Variants in DDIT3 observed in about 807,000 individuals in gnomAD.
The protein encoded by DDIT3 is DNA damage-inducible transcript 3 protein.
In DDIT3, 14 loss-of-function variants were observed where a neutral mutation model predicts 17.6. That is an observed-to-expected ratio of 0.80 (90% confidence interval 0.53 to 1.25). The LOEUF is 1.25. Among genes scored for constraint, DDIT3 ranks in the 50% most tolerant of loss-of-function variants. DDIT3 has a pLI of 0.00. For synonymous variants in DDIT3, 93 were observed against 76.5 expected, an observed-to-expected ratio of 1.22 and a Z score of -1.13; for missense variants, 216 against 202.7, an observed-to-expected ratio of 1.07 and a Z score of -0.40.
chr12:57,516,986 G>A lies in DDIT3; in HGVS notation c.333C>T (p.Ser111=). ...TGCGCTGCTTTCCAGCCCGGGCTGG[G>A]GAATGACCACTCTGTTTCCGTTTCC... ...RTRKRKQSGH[S]PARAGKQRMK... The change falls in exon 4 of 4, where the codon TCC becomes TCT. Residue 111 remains serine (S), a synonymous_variant. Transcript: ENST00000346473. 1 of 1,614,092 alleles carries A rather than the reference G, an allele frequency of 6.2e-7. No individual in the cohort carries two copies. Among genetic ancestry groups the A allele is most frequent in the Non-Finnish European group, 8.5e-7 (1 of 1,180,028 alleles).
In DDIT3 at chr12:57,516,694, C is replaced by T; in HGVS notation, c.*115G>A. ...CTTTTGTCTACTCCAAGCCTTCCCC[C>T]TGCGTATGTGGGATTGAGGGTCACA... On this transcript the variant is annotated 3_prime_UTR_variant, in exon 4 of 4. Coordinates refer to ENST00000346473, the MANE Select transcript of DDIT3 (RefSeq NM_004083.6). 1 of 1,529,646 alleles carries T rather than the reference C, an allele frequency of 6.5e-7. No homozygotes were observed. Among genetic ancestry groups the T allele is most frequent in the Non-Finnish European group, 8.8e-7 (1 of 1,140,042 alleles). 94.8% of individuals were successfully genotyped at this position (1,529,646 alleles called of 1,614,324 possible).
rs760584282 is a variant in DDIT3, at chr12:57,516,642, A to G, written c.*167T>C. 3.3e-6 allele frequency: 5 copies of G among 1,526,750 alleles called. No homozygotes were observed. The highest frequency in any genetic ancestry group is 1.4e-5 in the African/African-American group (1 of 71,594). 94.6% of individuals were successfully genotyped at this position (1,526,750 alleles called of 1,614,324 possible). On this transcript the variant is annotated 3_prime_UTR_variant, in exon 4 of 4. Coordinates refer to ENST00000346473, the MANE Select transcript of DDIT3 (RefSeq NM_004083.6). Reference sequence around the variant, plus strand: ...AGGGACAGTAATAAATAAATGTACAATCTCTATATACAAGCTGAGACCTTT... The same window carrying G: ...AGGGACAGTAATAAATAAATGTACAGTCTCTATATACAAGCTGAGACCTTT...
At chr12:57,516,591 G>C, downstream of DDIT3, 1 of 1,562,912 alleles carries the variant, frequency 6.4e-7, no homozygotes, top group Non-Finnish European at 8.6e-7. Flanking sequence ...AAAGACCTTG[G>C]CTCATAGAAA....
intron 1 of DDIT3, 101 bp downstream of exon 1, chr12:57,520,317 T>A: frequency 2.5e-6 from 1 of 397,748 alleles, no homozygotes; most frequent in Non-Finnish European, 4.4e-6. Context: ...TCTCGGACGG[T>A]CCCTAACTTC....
In DDIT3 at chr12:57,516,866, T is replaced by G; in HGVS notation, c.453A>C (p.Glu151Asp). Residue 151 changes from glutamate to aspartate, a missense_variant, in exon 4 of 4, where the codon GAA becomes GAC. Transcript: ENST00000346473. Reference protein sequence around the residue: ...LKQEIERLTREVEATRRALID... With the variant: ...LKQEIERLTRDVEATRRALID... ...TCAGAGCTCGGCGAGTCGCCTCTAC[T>G]TCCCTGGTCAGGCGCTCGATTTCCT... 1 of 1,613,612 alleles carries G rather than the reference T, an allele frequency of 6.2e-7. No individual in the cohort carries two copies. The highest frequency in any genetic ancestry group is 8.5e-7 in the Non-Finnish European group (1 of 1,180,036).
At position 57,517,348 on chromosome 12, in the gene DDIT3, G is replaced by C. The variant is rs976320668; in HGVS notation, c.59C>G (p.Ala20Gly). 2 of 1,613,634 alleles carry C rather than the reference G, an allele frequency of 1.2e-6. No individual in the cohort carries two copies. Among genetic ancestry groups the C allele is most frequent in the African/African-American group, 2.7e-5 (2 of 74,904 alleles). The change falls in exon 3 of 4, where the codon GCC becomes GGC. Residue 20 changes from alanine to glycine, a missense_variant. By Grantham distance (60) the Ala-to-Gly change is moderately conservative (BLOSUM62 0). Coordinates refer to ENST00000346473, the MANE Select transcript of DDIT3 (RefSeq NM_004083.6). ...FGTLSSWELE[A>G]WYEDLQEVLS... ...GACCTCTTGCAGGTCCTCATACCAG[G>C]CTTCCAGCTCCCAGCTGGACAGTGT... is the stretch of plus-strand genomic sequence containing the variant.
intron 1 of DDIT3, among the ~76,000 whole-genome samples, chr12:57,518,831 G>T (rs776826044): frequency 6.6e-6 from 1 of 151,976 alleles, no homozygotes; most frequent in Non-Finnish European, 1.5e-5. Flanking sequence ...GCTAATTTTT[G>T]TATTTTTAGT....
At chr12:57,519,667 C>T (rs1010383689) in intron 1 of DDIT3, among the ~76,000 whole-genome samples, 1 of 152,246 alleles carries the variant, frequency 6.6e-6, no homozygotes, top group Non-Finnish European at 1.5e-5. Flanking sequence ...CAGAAGGCTG[C>T]AGAGCCAAAC....
At chr12:57,519,444 C>T (rs1248589575) in intron 1 of DDIT3, among the ~76,000 whole-genome samples, 2 of 152,204 alleles carry the variant, frequency 1.3e-5, no homozygotes, top group East Asian at 3.9e-4. Context: ...CACAGTAGGT[C>T]CTCATTAAGT....
intron 1 of DDIT3, 110 bp downstream of exon 1, chr12:57,520,308 C>T (rs1878210268): frequency 1.8e-5 from 7 of 397,646 alleles, no homozygotes; most frequent in Non-Finnish European, 1.3e-5. Context: ...CCATTCCTCT[C>T]TCGGACGGTC....
At chr12:57,520,318 C>T (rs1037675628) in intron 1 of DDIT3, 100 bp downstream of exon 1, 2 of 397,898 alleles carry the variant, frequency 5.0e-6, no homozygotes, top group African/African-American at 4.1e-5. Flanking sequence ...CTCGGACGGT[C>T]CCTAACTTCA....
chr12:57,516,966 T>G lies in DDIT3; in HGVS notation c.353A>C (p.Gln118Pro), dbSNP rs760298388. ...CTCCTGTTCTTTCTCCTTCATGCGC[T>G]GCTTTCCAGCCCGGGCTGGGGAATG... ...SGHSPARAGKQRMKEKEQENE... is the reference protein window; with the variant it reads ...SGHSPARAGKPRMKEKEQENE... The change falls in exon 4 of 4, where the codon CAG becomes CCG. Residue 118 changes from glutamine (Q) to proline (P), a missense_variant. Physicochemically the swap from Gln to Pro is moderately conservative, Grantham distance 76. Transcript: ENST00000346473. 6 of 1,613,756 alleles carry G rather than the reference T, an allele frequency of 3.7e-6. No homozygotes were observed. Among genetic ancestry groups the G allele is most frequent in the Non-Finnish European group, 4.2e-6 (5 of 1,179,808 alleles).
Position 57,517,028 on chromosome 12 carries a change from T to G in DDIT3, c.291A>C (p.Glu97Asp), listed in dbSNP as rs1328078665. ...TCCGTTTCCTGGTTCTCCCTTGGTC[T>G]TCCTCCTCTTCCTCCTGAGCCAGGG... ...QSSLAQEEEE[E>D]DQGRTRKRKQ... Residue 97 changes from glutamate (E) to aspartate (D), a missense_variant, in exon 4 of 4, where the codon GAA becomes GAC. Glu to Asp is a conservative substitution (Grantham distance 45). Coordinates refer to ENST00000346473, the MANE Select transcript of DDIT3 (RefSeq NM_004083.6). The G allele has an allele frequency of 4.3e-6, 7 of 1,614,154 alleles. No individual in the cohort carries two copies. The highest frequency in any genetic ancestry group is 5.9e-6 in the Non-Finnish European group (7 of 1,180,022).
At chr12:57,519,565 A>C (rs1422707691) in intron 1 of DDIT3, among the ~76,000 whole-genome samples, 1 of 152,200 alleles carries the variant, frequency 6.6e-6, no homozygotes, top group Non-Finnish European at 1.5e-5. Context: ...TATTGCCCGA[A>C]GTATTTCTCT....
chr12:57,517,328 C>G lies in DDIT3; in HGVS notation c.79G>C (p.Glu27Gln). 9 of 1,614,028 alleles carry G rather than the reference C, an allele frequency of 5.6e-6. No individual in the cohort carries two copies. The highest frequency in any genetic ancestry group is 6.8e-6 in the Non-Finnish European group (8 of 1,179,990). The change falls in exon 3 of 4, where the codon GAG (glutamate) becomes CAG (glutamine). Residue 27 changes from glutamate (E) to glutamine (Q), a missense_variant. Physicochemically the swap from Glu to Gln is conservative, Grantham distance 29. Coordinates refer to ENST00000346473, the MANE Select transcript of DDIT3 (RefSeq NM_004083.6). ...CCATTTTCATCTGAAGACAGGACCT[C>G]TTGCAGGTCCTCATACCAGGCTTCC... ...ELEAWYEDLQEVLSSDENGGT... is the reference protein window; with the variant it reads ...ELEAWYEDLQQVLSSDENGGT...
rs751539289 is a variant in DDIT3, at chr12:57,517,093, T to G, written c.226A>C (p.Thr76Pro). 6.2e-7 allele frequency: 1 copy of G among 1,613,752 alleles called. No individual in the cohort carries two copies. Among genetic ancestry groups the G allele is most frequent in the Admixed American group, 1.7e-5 (1 of 59,958 alleles). The change falls in exon 4 of 4, where the codon ACC becomes CCC. Residue 76 changes from threonine (T) to proline (P), a missense_variant. Thr to Pro is a conservative substitution (Grantham distance 38). Transcript: ENST00000346473. ...TCTGGAGAGTGAGGGCTCTGGGAGG[T>G]GCTTGTGACCTCTGCTGGTTCTGGC... is the stretch of plus-strand genomic sequence containing the variant. ...EEPEPAEVTS[T>P]SQSPHSPDSS...
chr12:57,516,672 TTGTCTACTCCAAGCCTTCCCCCTGCGTA>T lies in DDIT3; in HGVS notation c.*109_*136del. On this transcript the variant is annotated 3_prime_UTR_variant, in exon 4 of 4. Transcript: ENST00000346473. ...TATATACAAGCTGAGACCTTTCCTT[TTGTCTACTCCAAGCCTTCCCCCTGCGTA>T]TGTGGGATTGAGGGTCACATCATTG... 6.6e-7 allele frequency: 1 copy of T among 1,522,684 alleles called. No individual in the cohort carries two copies. The highest frequency in any genetic ancestry group is 1.8e-4 in the Middle Eastern group (1 of 5,550). The allele number at this position is 1,522,684 out of a possible 1,614,324, so 94.3% of individuals were successfully genotyped here.
chr12:57,520,271 G>T (rs1055022562), intron 1 of DDIT3, 147 bp downstream of exon 1: 2 of 396,054 alleles, frequency 5.0e-6, no homozygotes, highest in Admixed American at 8.8e-5. Flanking sequence ...GGGTTTGTAA[G>T]CACCACCCCA....
rs750041433 is a variant in DDIT3, at chr12:57,517,084, T to C, written c.235A>G (p.Ser79Gly). Reference sequence around the variant, plus strand: ...TGACTGGAATCTGGAGAGTGAGGGCTCTGGGAGGTGCTTGTGACCTCTGCT... The same window carrying C: ...TGACTGGAATCTGGAGAGTGAGGGCCCTGGGAGGTGCTTGTGACCTCTGCT... ...EPAEVTSTSQ[S>G]PHSPDSSQSS... The change falls in exon 4 of 4, where the codon AGC (serine) becomes GGC (glycine). Residue 79 changes from serine (S) to glycine (G), a missense_variant. Transcript: ENST00000346473. The C allele has an allele frequency of 2.5e-6, 4 of 1,614,162 alleles. No individual in the cohort carries two copies. Among genetic ancestry groups the C allele is most frequent in the Non-Finnish European group, 3.4e-6 (4 of 1,180,022 alleles).
Sources: gnomAD v4.1 joint callset for allele counts (sites outside exome capture counted in the v4.1 genomes callset) on GRCh38, gnomAD v4.1.1 for gene constraint, MANE v1.5 for transcripts, NCBI Gene and HGNC (gene_info 2026-07-23, HGNC 2026-07-21) for gene names.